RAB2A: variants seen among roughly 807,000 people sequenced by gnomAD.
The protein encoded by RAB2A is ras-related protein Rab-2A.
RAB2A carries 7 observed loss-of-function variants against 32.5 expected under a neutral mutation model. The ratio of observed to expected loss-of-function variants is 0.22; its 90% CI spans 0.12 to 0.40. The LOEUF is 0.40. Ranked by LOEUF, RAB2A falls within the 10% of genes least tolerant of loss-of-function variation. The probability of loss-of-function intolerance (pLI) is 1.00; values close to 1 mark genes in which losing one functional copy is unlikely to be tolerated. For synonymous variants in RAB2A, 79 were observed against 85.2 expected (o/e 0.93, Z 0.40); for missense variants, 108 against 260.7 (o/e 0.41, Z 4.03).
At chr8:60,542,512 CA>C (rs5891766) in intron 1 of RAB2A, among the ~76,000 whole-genome samples, 70,809 of 149,118 alleles carry the variant, frequency 0.47, 17,556 homozygotes, top group African/African-American at 0.64. Flanking sequence ...GAGAATCCGT[CA>C]AAAAAAAAAG....
upstream of RAB2A, chr8:60,516,966 G>A (rs917087745): frequency 2.0e-5 from 8 of 407,694 alleles, no homozygotes; most frequent in East Asian, 1.6e-4. Flanking sequence ...GAGGCGGGGC[G>A]GAGGCGCCGC....
chr8:60,522,914 G>C (rs1176124511), intron 1 of RAB2A, among the ~76,000 whole-genome samples: 1 of 151,944 alleles, frequency 6.6e-6, no homozygotes, highest in Admixed American at 6.6e-5. Context: ...GACTAGATTT[G>C]AGGTGGAGCT....
At chr8:60,531,501 A>G (rs375009642) in intron 1 of RAB2A, among the ~76,000 whole-genome samples, 3 of 152,228 alleles carry the variant, frequency 2.0e-5, no homozygotes, top group Admixed American at 1.3e-4. Flanking sequence ...GTAAGCTGCA[A>G]AGTGCTTTAT....
rs552309837 is a variant in RAB2A, at chr8:60,548,546, G to A, written c.47-10306G>A. On this transcript the variant is annotated intron_variant, in intron 1 of 7. Coordinates refer to ENST00000262646, the MANE Select transcript of RAB2A (RefSeq NM_002865.3). ...CCCCCACCTCCCTCCCGGACGGGGC[G>A]GCTGGCCGGGCAGAGGGGATCCTCA... Among the ~76,000 whole-genome samples the A allele has an allele frequency of 1.4e-4, 17 of 125,284 alleles. No individual in the cohort carries two copies. The East Asian group carries it at 1.6e-3, about 12-fold the overall frequency. 82.2% of individuals were successfully genotyped at this position (125,284 alleles called of 152,430 possible). A position where few individuals can be genotyped will look rare whatever the true frequency, so the allele number is the denominator to read the frequency against.
chr8:60,548,753 C>T (rs1303913846), intron 1 of RAB2A, among the ~76,000 whole-genome samples: 3 of 141,998 alleles, frequency 2.1e-5, no homozygotes, highest in African/African-American at 8.2e-5. Flanking sequence ...GATGGGGCGG[C>T]TGGCCGGGCG....
At chr8:60,551,697 TTTTTA>T (rs1245854867) in intron 1 of RAB2A, among the ~76,000 whole-genome samples, 1 of 152,114 alleles carries the variant, frequency 6.6e-6, no homozygotes, top group Non-Finnish European at 1.5e-5. Context: ...ATTTTTACTA[TTTTTA>T]TTTTATTTTA....
intron 1 of RAB2A, chr8:60,551,880 T>TTG (rs547427043): frequency 3.4e-5 from 4 of 118,336 alleles, no homozygotes; most frequent in Admixed American, 3.3e-4. Flanking sequence ...TTTTTTTTTT[T>TTG]GGAGACAGAG....
chr8:60,603,315 C>G (rs190144409), intron 6 of RAB2A, among the ~76,000 whole-genome samples: 1 of 152,072 alleles, frequency 6.6e-6, no homozygotes, highest in Non-Finnish European at 1.5e-5. Flanking sequence ...TCACCAAGAC[C>G]CAGTTACTGT....
chr8:60,517,301 C>G (rs1329847257), intron 1 of RAB2A, 48 bp downstream of exon 1: 2 of 1,449,146 alleles, frequency 1.4e-6, no homozygotes, highest in African/African-American at 3.0e-5. Context: ...CCTCCGGACC[C>G]GGGCTGAGGG....
At chr8:60,569,875 G>T (rs1808171444) in intron 2 of RAB2A, 1 of 426,348 alleles carries the variant, frequency 2.3e-6, no homozygotes, top group Non-Finnish European at 4.7e-6. Flanking sequence ...GCTAAGGTAA[G>T]CAAAGAGAAT....
At chr8:60,598,075 G>A (rs1181125988) in intron 6 of RAB2A, among the ~76,000 whole-genome samples, 1 of 152,184 alleles carries the variant, frequency 6.6e-6, no homozygotes, top group Non-Finnish European at 1.5e-5. Context: ...GCAGGAGCCT[G>A]TAATCCCGGC....
chr8:60,611,064 C>CT (rs1393828360), intron 6 of RAB2A, among the ~76,000 whole-genome samples: 1 of 152,214 alleles, frequency 6.6e-6, no homozygotes, highest in Non-Finnish European at 1.5e-5. Flanking sequence ...TACTCTGTCA[C>CT]TTAAAGTCCT....
chr8:60,608,344 A>T (rs915007847), intron 6 of RAB2A, among the ~76,000 whole-genome samples: 2 of 152,118 alleles, frequency 1.3e-5, no homozygotes, highest in African/African-American at 2.4e-5. Context: ...TCTTAGCTTA[A>T]ACAGTCCTTT....
chr8:60,526,017 GTACATATATA>G (rs1394411585), intron 1 of RAB2A, among the ~76,000 whole-genome samples: 195 of 74,222 alleles, frequency 2.6e-3, no homozygotes, highest in Middle Eastern at 7.4e-3. Context: ...ATGTGTGTGT[GTACATATATA>G]TATATATATA....
At chr8:60,551,750 A>G (rs1444724923) in intron 1 of RAB2A, among the ~76,000 whole-genome samples, 4 of 152,076 alleles carry the variant, frequency 2.6e-5, no homozygotes, top group Admixed American at 6.6e-5. Flanking sequence ...CTCGAATACA[A>G]TGGCTCAGTC....
intron 6 of RAB2A, among the ~76,000 whole-genome samples, chr8:60,616,521 A>G (rs972914033): frequency 3.3e-5 from 5 of 152,252 alleles, no homozygotes; most frequent in Non-Finnish European, 5.9e-5. Flanking sequence ...TTGGAAATAA[A>G]GTTAAGTTTT....
chr8:60,574,371 G>GAT (rs1381434700), intron 3 of RAB2A, among the ~76,000 whole-genome samples: 1 of 152,092 alleles, frequency 6.6e-6, no homozygotes, highest in East Asian at 1.9e-4. Context: ...CTTGGTGACT[G>GAT]ATAATACAGT....
intron 6 of RAB2A, among the ~76,000 whole-genome samples, chr8:60,603,097 C>A (rs73261277): frequency 0.064 from 9,762 of 152,272 alleles, 822 homozygotes; most frequent in African/African-American, 0.19. Flanking sequence ...GGTCATCATC[C>A]TGTTTTTTAT....
At chr8:60,614,019 T>C (rs1804405568) in intron 6 of RAB2A, among the ~76,000 whole-genome samples, 1 of 152,174 alleles carries the variant, frequency 6.6e-6, no homozygotes, top group Non-Finnish European at 1.5e-5. Flanking sequence ...CTAATTTTTA[T>C]CATGCCACCA....
Sources: gnomAD v4.1 joint callset for allele counts (sites outside exome capture counted in the v4.1 genomes callset) on GRCh38, gnomAD v4.1.1 for gene constraint, MANE v1.5 for transcripts, NCBI Gene and HGNC (gene_info 2026-07-23, HGNC 2026-07-21) for gene names.